DPYSL2: variants seen among roughly 807,000 people sequenced by gnomAD.
DPYSL2 encodes dihydropyrimidinase like 2.
DPYSL2 carries 13 observed loss-of-function variants against 69.9 expected under a neutral mutation model. The observed-to-expected ratio is 0.19, with a 90% CI of 0.12 to 0.30. The LOEUF (loss-of-function observed/expected upper bound fraction) is 0.30, where lower values mean the gene tolerates loss of function less well. DPYSL2 is among the 10% of genes least tolerant of loss of function. The pLI is 1.00. For synonymous variants in DPYSL2, 326 were observed against 359.1 expected (o/e 0.91, Z 1.04); for missense variants, 587 against 918.9 (o/e 0.64, Z 4.67).
chr8:26,524,059 T>C (rs1808436333), intron 1 of DPYSL2, among the ~76,000 whole-genome samples: 1 of 152,224 alleles, frequency 6.6e-6, no homozygotes, highest in African/African-American at 2.4e-5. Flanking sequence ...TGCTAGATAA[T>C]TTGATAACTA....
intron 1 of DPYSL2, among the ~76,000 whole-genome samples, chr8:26,523,373 G>T (rs1028494633): frequency 6.6e-6 from 1 of 152,034 alleles, no homozygotes; most frequent in African/African-American, 2.4e-5. Context: ...GTACAGTTCA[G>T]TGACGTTAAG....
At chr8:26,632,764 C>T (rs1478218783) in intron 7 of DPYSL2, among the ~76,000 whole-genome samples, 3 of 152,236 alleles carry the variant, frequency 2.0e-5, no homozygotes, top group African/African-American at 7.2e-5. Context: ...TGCAAGACGT[C>T]CCTGTCCCCG....
Position 26,647,683 on chromosome 8 carries a change from A to G in DPYSL2, c.1479A>G (p.Ala493=), listed in dbSNP as rs774747322. ...TTGTGGCTGTGACCAGCACCAATGC[A>G]GCCAAAGTCTTCAACCTTTACCCCC... ...NQFVAVTSTN[A]AKVFNLYPRK... Residue 493 remains alanine, a synonymous_variant, in exon 11 of 14, where the codon GCA becomes GCG. Coordinates refer to ENST00000521913, the MANE Select transcript of DPYSL2 (RefSeq NM_001197293.3). The surrounding 1 kb of genome is among the most constrained non-coding windows in gnomAD (Gnocchi z 5.1). 7.4e-6 allele frequency: 12 copies of G among 1,614,064 alleles called. No homozygotes were observed. In the East Asian group the frequency reaches 2.2e-4, roughly 30 times the overall value.
At chr8:26,528,786 G>A (rs1800429124) in intron 1 of DPYSL2, among the ~76,000 whole-genome samples, 1 of 152,228 alleles carries the variant, frequency 6.6e-6, no homozygotes, top group Non-Finnish European at 1.5e-5. Flanking sequence ...AGAGGGAGCA[G>A]GGAAATAGGT....
At chr8:26,521,337 C>T (rs1808380372) in intron 1 of DPYSL2, among the ~76,000 whole-genome samples, 1 of 74,552 alleles carries the variant, frequency 1.3e-5, no homozygotes, top group Non-Finnish European at 4.1e-5. Flanking sequence ...GTAGTCCTGG[C>T]TCTGCCATTG....
At chr8:26,527,804 C>CTTTTTTTTTTTTTTTTTTTTT (rs34631984) in intron 1 of DPYSL2, among the ~76,000 whole-genome samples, 17 of 132,718 alleles carry the variant, frequency 1.3e-4, no homozygotes, top group African/African-American at 4.5e-4. Context: ...TTTGTTTATC[C>CTTTTTTTTTTTTTTTTTTTTT]TTTTTTTTTT....
At chr8:26,570,015 G>A (rs1252272184) in intron 1 of DPYSL2, among the ~76,000 whole-genome samples, 1 of 152,118 alleles carries the variant, frequency 6.6e-6, no homozygotes, top group African/African-American at 2.4e-5. Flanking sequence ...AACATAGTGA[G>A]ACTCTTGTCT....
intron 3 of DPYSL2, among the ~76,000 whole-genome samples, chr8:26,584,522 AG>A (rs1397023691): frequency 6.7e-6 from 1 of 149,260 alleles, no homozygotes; most frequent in Non-Finnish European, 1.5e-5. Flanking sequence ...CCCTGTCTGG[AG>A]GGGGACCCAC....
rs2129911170 is a variant in DPYSL2 at position 26,626,211 on chromosome 8, C to A, written c.794-406C>A. ...AATAATATTCCATTGTATGGATAGA[C>A]CACATTTGGTTTATTCATTTATCAG... On this transcript the variant is annotated intron_variant, in intron 4 of 13. Transcript: ENST00000521913. The surrounding 1 kb of genome is among the most constrained non-coding windows in gnomAD (Gnocchi z 4.3). 6.6e-6 allele frequency among the ~76,000 whole-genome samples: 1 copy of A among 152,280 alleles called. No individual in the cohort carries two copies. Among genetic ancestry groups the A allele is most frequent in the South Asian group, 2.1e-4 (1 of 4,826 alleles).
At chr8:26,535,712 G>A (rs1404468841) in intron 1 of DPYSL2, among the ~76,000 whole-genome samples, 1 of 151,710 alleles carries the variant, frequency 6.6e-6, no homozygotes, top group African/African-American at 2.4e-5. Flanking sequence ...CTACTTAGAT[G>A]AGCTGGTCAA....
chr8:26,515,262 G>C (rs907482299), intron 1 of DPYSL2, among the ~76,000 whole-genome samples: 4 of 152,166 alleles, frequency 2.6e-5, no homozygotes, highest in Non-Finnish European at 5.9e-5. Flanking sequence ...ACTCCTGCTC[G>C]CAGCGTGAGA....
intron 7 of DPYSL2, among the ~76,000 whole-genome samples, chr8:26,629,008 G>A (rs549940287): frequency 2.0e-5 from 3 of 152,168 alleles, no homozygotes; most frequent in African/African-American, 7.2e-5. Flanking sequence ...GGTGCAGGAG[G>A]GGGTGGTTGG....
At position 26,566,805 on chromosome 8, in the gene DPYSL2, G is replaced by A. The variant is rs186464483; in HGVS notation, c.355-15164G>A. The stretch of plus-strand genomic sequence containing the variant: ...AGTGTTTGGGCTGTATTTTATAATG[G>A]GGACATTTGTGTAATGGGTTTATTC... On this transcript the variant is annotated intron_variant, in intron 1 of 13. Transcript: ENST00000521913. Among the ~76,000 whole-genome samples the A allele has an allele frequency of 4.9e-3, 748 of 152,150 alleles. 1 individual carries two copies. The highest frequency in any genetic ancestry group is 8.1e-3 in the Non-Finnish European group (553 of 67,988).
chr8:26,537,611 T>TACACACACACATACACAC (rs1554533021), intron 1 of DPYSL2, among the ~76,000 whole-genome samples: 1 of 147,546 alleles, frequency 6.8e-6, no homozygotes, highest in Non-Finnish European at 1.5e-5. Context: ...ATTCTCTCTC[T>TACACACACACATACACAC]ACACACACAC....
chr8:26,638,856 C>G (rs1802976552), intron 8 of DPYSL2, among the ~76,000 whole-genome samples: 2 of 152,182 alleles, frequency 1.3e-5, no homozygotes, highest in Admixed American at 1.3e-4. Context: ...CATGGAGGGC[C>G]CCTTGTGGGG....
At position 26,647,170 on chromosome 8, in the gene DPYSL2, C is replaced by T. The variant is rs544116193; in HGVS notation, c.1426-460C>T. On this transcript the variant is annotated intron_variant, in intron 10 of 13. Transcript: ENST00000521913. This position sits in a 1 kb window ranked among gnomAD's most constrained non-coding sequence, Gnocchi z 5.1. ...GCAAAGATAGTACAGAGAGAGGTCCCGGGTACCCTTCACCCAGTTTCCCTC... is the reference window on the plus strand; with the variant it reads ...GCAAAGATAGTACAGAGAGAGGTCCTGGGTACCCTTCACCCAGTTTCCCTC... Among the ~76,000 whole-genome samples the T allele has an allele frequency of 3.9e-5, 6 of 152,192 alleles. No individual in the cohort carries two copies. Among genetic ancestry groups the T allele is most frequent in the East Asian group, 3.9e-4 (2 of 5,184 alleles).
intron 1 of DPYSL2, among the ~76,000 whole-genome samples, chr8:26,528,995 A>G (rs1397690965): frequency 6.6e-6 from 1 of 152,066 alleles, no homozygotes; most frequent in Middle Eastern, 3.2e-3. Flanking sequence ...AGGAGGATGG[A>G]GTGTGAGCTC....
chr8:26,557,880 A>G (rs1039665075), intron 1 of DPYSL2, among the ~76,000 whole-genome samples: 11 of 151,854 alleles, frequency 7.2e-5, no homozygotes, highest in Admixed American at 6.6e-4. Context: ...TTTCATGTGT[A>G]GTGGCATCTC....
At position 26,653,103 on chromosome 8, in the gene DPYSL2, T is replaced by C; in HGVS notation, c.1777-129T>C. On this transcript the variant is annotated intron_variant, in intron 12 of 13. Transcript: ENST00000521913. The surrounding 1 kb of genome is among the most constrained non-coding windows in gnomAD (Gnocchi z 5.7). ...GTGGGAGCTGGCCCCACACAACACC[T>C]GTCCACCTGTCTGTAAGGAGAGCCC... 1 of 1,151,406 alleles carries C rather than the reference T, an allele frequency of 8.7e-7. No homozygotes were observed. The highest frequency in any genetic ancestry group is 1.2e-6 in the Non-Finnish European group (1 of 809,910). The allele number at this position is 1,151,406 out of a possible 1,614,324, so 71.3% of individuals were successfully genotyped here.
Sources: gnomAD v4.1 joint callset for allele counts (sites outside exome capture counted in the v4.1 genomes callset) on GRCh38, gnomAD v4.1.1 for gene constraint, Gnocchi (gnomAD v3.1) non-coding constraint, MANE v1.5 for transcripts, NCBI Gene and HGNC (gene_info 2026-07-23, HGNC 2026-07-21) for gene names.